CD3G: variants seen among roughly 807,000 people sequenced by gnomAD.
CD3G encodes CD3 gamma subunit of T-cell receptor complex, also known as T-cell surface glycoprotein CD3 gamma chain.
CD3G carries 24 observed loss-of-function variants against 28.3 expected under a neutral mutation model. The ratio of observed to expected loss-of-function variants is 0.85; its 90% CI spans 0.61 to 1.19. CD3G has a LOEUF of 1.19. Ranked by LOEUF, CD3G falls within the 50% of genes most tolerant of loss-of-function variation. The probability of loss-of-function intolerance (pLI) is 0.00; values close to 1 mark genes in which losing one functional copy is unlikely to be tolerated. For synonymous variants in CD3G, 71 were observed against 75.9 expected (o/e 0.93, Z 0.34); for missense variants, 211 against 210.0 (o/e 1.00, Z -0.03).
intron 4 of CD3G, 141 bp from the exon 5 acceptor site, chr11:118,351,487 C>G: frequency 1.3e-6 from 1 of 762,464 alleles, no homozygotes; most frequent in Non-Finnish European, 2.3e-6. Context: ...GCTTCTTTCA[C>G]TCAACAACAT....
chr11:118,346,787 T>G (rs747498066), intron 1 of CD3G, among the ~76,000 whole-genome samples: 9 of 136,064 alleles, frequency 6.6e-5, no homozygotes, highest in Non-Finnish European at 1.1e-4. Context: ...CACTTCAGCC[T>G]GAGTGACAGA....
chr11:118,350,819 T>C (rs1245791510), intron 4 of CD3G, 136 bp downstream of exon 4: 5 of 1,549,884 alleles, frequency 3.2e-6, no homozygotes, highest in Non-Finnish European at 4.3e-6. Context: ...TGTATTTCTC[T>C]GAGACAGGAG....
intron 1 of CD3G, among the ~76,000 whole-genome samples, chr11:118,346,541 C>G (rs1306893503): frequency 6.6e-6 from 1 of 152,050 alleles, no homozygotes; most frequent in African/African-American, 2.4e-5. Flanking sequence ...ATCAGCCAGG[C>G]ACAGTGGCTC....
At chr11:118,349,565 C>A in intron 2 of CD3G, 178 bp from the exon 3 acceptor site, 1 of 663,318 alleles carries the variant, frequency 1.5e-6, no homozygotes, top group South Asian at 1.8e-5. Context: ...GTTAGTAATG[C>A]AGAATCTCCC....
rs540696283 is a variant in CD3G, at chr11:118,352,240, A to G, written c.484-164A>G. 8.6e-5 allele frequency among the ~76,000 whole-genome samples: 13 copies of G among 152,014 alleles called. No individual in the cohort carries two copies. The East Asian group carries it at 9.7e-4, about 11-fold the overall frequency. On this transcript the variant is annotated intron_variant, in intron 5 of 6. Transcript: ENST00000532917. ...CAAAAAAAAAAAAGAGAGAGAGAGA[A>G]AAAGAAAAAAGACAGAGCCTCCATC...
chr11:118,350,895 A>AAAG, intron 4 of CD3G: 1 of 1,229,116 alleles, frequency 8.1e-7, no homozygotes, highest in Non-Finnish European at 1.0e-6. Context: ...CTGTGAAAAA[A>AAAG]AAAAAAAACA....
intron 1 of CD3G, among the ~76,000 whole-genome samples, chr11:118,347,425 AT>A (rs1157718208): frequency 6.6e-6 from 1 of 152,160 alleles, no homozygotes; most frequent in African/African-American, 2.4e-5. Flanking sequence ...ATATGTTTTA[AT>A]TTTTTCACTT....
chr11:118,344,455 T>C lies in CD3G; in HGVS notation c.32T>C (p.Ile11Thr), dbSNP rs201006956. 125 of 1,571,058 alleles carry C rather than the reference T, an allele frequency of 8.0e-5. No individual in the cohort carries two copies. Among genetic ancestry groups the C allele is most frequent in the Non-Finnish European group, 1.0e-4 (119 of 1,157,536 alleles). MEQGKGLAVLILAIILLQGTL... is the reference protein window; with the variant it reads MEQGKGLAVLTLAIILLQGTL... ...CAGGGGAAGGGCCTGGCTGTCCTCA[T>C]CCTGGCTATCATTCTTCTTCAAGGT... The change falls in exon 1 of 7, where the codon ATC (isoleucine) becomes ACC (threonine). Residue 11 changes from isoleucine (I) to threonine (T), a missense_variant. Physicochemically the swap from Ile to Thr is moderately conservative, Grantham distance 89. Coordinates refer to ENST00000532917, the MANE Select transcript of CD3G (RefSeq NM_000073.3).
chr11:118,345,079 C>T (rs1417654079), intron 1 of CD3G, among the ~76,000 whole-genome samples: 4 of 152,036 alleles, frequency 2.6e-5, no homozygotes, highest in Non-Finnish European at 4.4e-5. Context: ...TGGGTTGATG[C>T]CTGGAGTCTG....
chr11:118,349,705 C>A (rs201377435), intron 2 of CD3G, 38 bp from the exon 3 acceptor site: 1 of 1,489,002 alleles, frequency 6.7e-7, no homozygotes, highest in Non-Finnish European at 9.4e-7. Context: ...ATTTCAGAGG[C>A]AAGATCCTTA....
intron 3 of CD3G, 183 bp downstream of exon 3, chr11:118,350,153 T>C: frequency 1.6e-6 from 1 of 629,882 alleles, no homozygotes; most frequent in South Asian, 1.9e-5. Context: ...ATTGAAAAAC[T>C]ACAGCCAGTC....
chr11:118,344,354 C>T lies in CD3G; in HGVS notation c.-70C>T. 7.4e-7 allele frequency: 1 copy of T among 1,360,292 alleles called. No homozygotes were observed. Among genetic ancestry groups the T allele is most frequent in the African/African-American group, 1.5e-5 (1 of 65,840 alleles). 84.3% of individuals were successfully genotyped at this position (1,360,292 alleles called of 1,614,324 possible). ...GTGATGGGTGGAGCCAGTCTAGCTG[C>T]TGCACAGGCTGGCTGGCTGGCTGGC... On this transcript the variant is annotated 5_prime_UTR_variant, in exon 1 of 7. Transcript: ENST00000532917.
intron 3 of CD3G, chr11:118,350,255 C>T (rs115561431): frequency 5.3e-6 from 3 of 570,186 alleles, no homozygotes; most frequent in Admixed American, 3.0e-5. Context: ...CAGAGGTGAT[C>T]ATAAGGTGAG....
chr11:118,350,329 A>G, intron 3 of CD3G: 1 of 600,244 alleles, frequency 1.7e-6, no homozygotes, highest in Non-Finnish European at 3.0e-6. Flanking sequence ...TGTTCCAGAT[A>G]CTTCCTGGTA....
At chr11:118,348,823 A>C (rs1196646789) in intron 1 of CD3G, among the ~76,000 whole-genome samples, 1 of 152,228 alleles carries the variant, frequency 6.6e-6, no homozygotes, top group Non-Finnish European at 1.5e-5. Context: ...GGATACCAGG[A>C]CAAAGATGAG....
chr11:118,349,813 C>G lies in CD3G; in HGVS notation c.150C>G (p.Ala50=). Reference sequence around the variant, plus strand: ...TACTTCTGACTTGTGATGCAGAAGCCAAAAATATCACATGGTTTAAAGATG... The same window carrying G: ...TACTTCTGACTTGTGATGCAGAAGCGAAAAATATCACATGGTTTAAAGATG... ...GSVLLTCDAE[A]KNITWFKDGK... Residue 50 remains alanine (A), a synonymous_variant, in exon 3 of 7, where the codon GCC becomes GCG. Coordinates refer to ENST00000532917, the MANE Select transcript of CD3G (RefSeq NM_000073.3). The G allele has an allele frequency of 6.2e-7, 1 of 1,613,838 alleles. No individual in the cohort carries two copies. Among genetic ancestry groups the G allele is most frequent in the Non-Finnish European group, 8.5e-7 (1 of 1,179,936 alleles).
intron 5 of CD3G, 77 bp from the exon 6 acceptor site, chr11:118,352,327 A>C (rs1230631834): frequency 8.1e-7 from 1 of 1,242,044 alleles, no homozygotes; most frequent in Non-Finnish European, 1.2e-6. Context: ...CACATATAAA[A>C]AACATTCAAT....
At position 118,350,082 on chromosome 11, in the gene CD3G, G is replaced by A. The variant is rs140651977; in HGVS notation, c.307+112G>A. On this transcript the variant is annotated intron_variant, in intron 3 of 6. Coordinates refer to ENST00000532917, the MANE Select transcript of CD3G (RefSeq NM_000073.3). ...ATAGATCCTCAACAGTAATATTATC[G>A]CCTGTTCTCTTAATTTCAGCTTGCC... 85 of 804,344 alleles carry A rather than the reference G, an allele frequency of 1.1e-4. 1 individual carries two copies. The highest frequency in any genetic ancestry group is 8.9e-4 in the African/African-American group (52 of 58,392). 49.8% of individuals were successfully genotyped at this position (804,344 alleles called of 1,614,324 possible). A position where few individuals can be genotyped will look rare whatever the true frequency, so the allele number is the denominator to read the frequency against.
In CD3G at chr11:118,355,019, C is replaced by A. The variant is rs1301433189; in HGVS notation, c.*1919C>A. 2 of 151,996 alleles carry A rather than the reference C, an allele frequency of 1.3e-5. 1 individual carries two copies. The highest frequency in any genetic ancestry group is 1.3e-4 in the Admixed American group (2 of 15,268). The allele number at this position is 151,996 out of a possible 1,614,324, so 9.4% of individuals were successfully genotyped here. On this transcript the variant is annotated 3_prime_UTR_variant, in exon 7 of 7. Transcript: ENST00000532917. ...TGGTATCATGTCTAATAAATCTTTA[C>A]CAAACCCACAGTTACAAAGATTTTC...
Sources: allele counts gnomAD v4.1 joint callset (sites outside exome capture counted in the v4.1 genomes callset), GRCh38; gene constraint gnomAD v4.1.1; transcripts MANE v1.5; gene names NCBI Gene and HGNC (gene_info 2026-07-23, HGNC 2026-07-21).